The following DAB1 variants were observed in gnomAD, a reference collection of about 807,000 sequenced individuals.
DAB1 encodes DAB adaptor protein 1.
Under a neutral mutation model 64.6 loss-of-function variants are expected in DAB1, and 15 were observed. The ratio of observed to expected loss-of-function variants is 0.23; its 90% CI spans 0.16 to 0.36. The LOEUF (loss-of-function observed/expected upper bound fraction) is 0.36, where lower values mean the gene tolerates loss of function less well. Ranked by LOEUF, DAB1 falls within the 10% of genes least tolerant of loss-of-function variation. The pLI, the probability that DAB1 is intolerant of heterozygous loss-of-function variation, is 1.00. For synonymous variants in DAB1, 235 were observed against 251.9 expected (o/e 0.93, Z 0.64); for missense variants, 596 against 706.7 (o/e 0.84, Z 1.78).
intron 6 of DAB1, among the ~76,000 whole-genome samples, chr1:57,687,285 T>C (rs1370037390): frequency 5.9e-5 from 9 of 151,842 alleles, no homozygotes; most frequent in Non-Finnish European, 1.3e-4. Flanking sequence ...ACAATCCCAT[T>C]TACAATAGCC....
intron 2 of DAB1, among the ~76,000 whole-genome samples, chr1:57,259,334 G>T (rs1670001049): frequency 6.6e-6 from 1 of 152,182 alleles, no homozygotes; most frequent in Non-Finnish European, 1.5e-5. Flanking sequence ...ACAGTAAGGT[G>T]AGCCCTACAG....
chr1:57,353,103 A>AT (rs1272661072), intron 1 of DAB1, among the ~76,000 whole-genome samples: 1 of 123,222 alleles, frequency 8.1e-6, no homozygotes, highest in African/African-American at 3.3e-5. Context: ...ATATATATAT[A>AT]TTTTTTTCCA....
rs189134512 is a variant in DAB1, at chr1:57,990,015, C to T, written n.388-105853G>A. Reference sequence around the variant, plus strand: ...TGTCAGGACCTGAATCTGTCATTTGCGAGCCTGACCTCATAACTCAGCCAA... The same window carrying T: ...TGTCAGGACCTGAATCTGTCATTTGTGAGCCTGACCTCATAACTCAGCCAA... On this transcript the variant is annotated intron_variant and non_coding_transcript_variant, in intron 5 of 20. Transcript: ENST00000485760. Among the ~76,000 whole-genome samples, 24 of 152,140 alleles carry T rather than the reference C, an allele frequency of 1.6e-4. No homozygotes were observed. The East Asian group carries it at 3.9e-3, about 25-fold the overall frequency.
intron 5 of DAB1, among the ~76,000 whole-genome samples, chr1:57,985,209 G>A (rs1646185335): frequency 6.6e-6 from 1 of 152,084 alleles, no homozygotes. Flanking sequence ...CACCCGGCCT[G>A]CTTTAGTATC....
At chr1:57,390,486 T>C (rs1268912424) in intron 1 of DAB1, among the ~76,000 whole-genome samples, 2 of 152,228 alleles carry the variant, frequency 1.3e-5, no homozygotes, top group South Asian at 2.1e-4. Flanking sequence ...GAAAATCACC[T>C]GGAGCTCCTT....
intron 4 of DAB1, among the ~76,000 whole-genome samples, chr1:58,281,696 C>T (rs61781880): frequency 0.12 from 17,969 of 152,176 alleles, 1,846 homozygotes; most frequent in African/African-American, 0.28. Context: ...ACCCTAGACC[C>T]AAGCTACTTA....
chr1:58,095,673 T>A (rs1376370468), intron 5 of DAB1, among the ~76,000 whole-genome samples: 1 of 152,172 alleles, frequency 6.6e-6, no homozygotes, highest in Admixed American at 6.5e-5. Context: ...TTGTTAAGTA[T>A]CCCACCCCGG....
At chr1:57,370,320 AG>A (rs1351907941) in intron 1 of DAB1, among the ~76,000 whole-genome samples, 4 of 152,320 alleles carry the variant, frequency 2.6e-5, no homozygotes, top group Non-Finnish European at 5.9e-5. Context: ...CTTAGTGAAA[AG>A]ATAACTGAAT....
At position 57,190,266 on chromosome 1, in the gene DAB1, G is replaced by A. The variant is rs902659516; in HGVS notation, c.68-44837C>T. 2.0e-5 allele frequency among the ~76,000 whole-genome samples: 3 copies of A among 152,288 alleles called. No individual in the cohort carries two copies. The South Asian group carries it at 6.2e-4, about 32-fold the overall frequency. On this transcript the variant is annotated intron_variant, in intron 2 of 14. Coordinates refer to ENST00000371236, the MANE Select transcript of DAB1 (RefSeq NM_001365792.1). ...ACTTTGAGAGCACTGCCTTAGAAAA[G>A]AGAGTTCACAGGAAAGGCAAGTAGG...
chr1:57,556,238 T>C (rs1055885840), intron 7 of DAB1, among the ~76,000 whole-genome samples: 1 of 151,936 alleles, frequency 6.6e-6, no homozygotes, highest in African/African-American at 2.4e-5. Flanking sequence ...GCTGTAAACA[T>C]GTGTGTAGAA....
In DAB1 at chr1:57,132,758, C is replaced by T. The variant is rs530949459; in HGVS notation, c.306+3785G>A. On this transcript the variant is annotated intron_variant, in intron 4 of 14. Transcript: ENST00000371236. The stretch of plus-strand genomic sequence containing the variant: ...TTATACTGTCAACATTCTATCTATC[C>T]AAGACAAACTATGGACGAAGCAGCC... 2.0e-4 allele frequency among the ~76,000 whole-genome samples: 31 copies of T among 152,146 alleles called. No homozygotes were observed. In the East Asian group the frequency reaches 5.4e-3, roughly 27 times the overall value.
intron 5 of DAB1, among the ~76,000 whole-genome samples, chr1:58,087,593 T>C (rs1040235157): frequency 6.6e-6 from 1 of 152,050 alleles, no homozygotes; most frequent in African/African-American, 2.4e-5. Flanking sequence ...CCCCATCCCA[T>C]AGAAAACTGG....
intron 4 of DAB1, among the ~76,000 whole-genome samples, chr1:58,283,839 G>A (rs994943516): frequency 3.9e-5 from 6 of 152,218 alleles, no homozygotes; most frequent in South Asian, 2.1e-4. Flanking sequence ...CTTTGTCCTC[G>A]AAGGCAAAGA....
intron 5 of DAB1, among the ~76,000 whole-genome samples, chr1:57,945,955 C>T (rs1033918534): frequency 6.6e-6 from 1 of 152,166 alleles, no homozygotes; most frequent in Admixed American, 6.6e-5. Flanking sequence ...CCACATGCTG[C>T]CATGTACTGG....
In DAB1 at chr1:57,695,363, A is replaced by AAGGAAG. The variant is rs1557427764; in HGVS notation, n.552-45699_552-45698insCTTCCT. 9.0e-4 allele frequency among the ~76,000 whole-genome samples: 36 copies of AAGGAAG among 40,206 alleles called. 2 individuals carry two copies. Among genetic ancestry groups the AAGGAAG allele is most frequent in the African/African-American group, 5.5e-3 (32 of 5,768 alleles). The allele number at this position is 40,206 out of a possible 152,430, so 26.4% of individuals were successfully genotyped here. A position where few individuals can be genotyped will look rare whatever the true frequency, so the allele number is the denominator to read the frequency against. ...AAGAAAGAAAGAAAGAAAAGAAAGA[A>AAGGAAG]GAAAGAAAGAAAGAAAGAAAGAAAG... On this transcript the variant is annotated intron_variant and non_coding_transcript_variant, in intron 6 of 20. Transcript: ENST00000485760.
chr1:58,302,682 T>A (rs1047173779), intron 4 of DAB1, among the ~76,000 whole-genome samples: 1 of 152,062 alleles, frequency 6.6e-6, no homozygotes, highest in Non-Finnish European at 1.5e-5. Flanking sequence ...CACTTTCTCA[T>A]CTGTCAAGTG....
intron 4 of DAB1, among the ~76,000 whole-genome samples, chr1:58,286,457 C>T (rs12072207): frequency 0.13 from 19,474 of 151,988 alleles, 2,252 homozygotes; most frequent in African/African-American, 0.31. Context: ...ATCCAATGAA[C>T]GTAAATAAAT....
At chr1:57,573,167 A>T (rs1645212098) in intron 7 of DAB1, among the ~76,000 whole-genome samples, 1 of 152,146 alleles carries the variant, frequency 6.6e-6, no homozygotes, top group South Asian at 2.1e-4. Flanking sequence ...AGCTCACTGC[A>T]GCCTCCAACT....
At chr1:57,414,247 T>C (rs1684329853) in intron 1 of DAB1, among the ~76,000 whole-genome samples, 1 of 152,252 alleles carries the variant, frequency 6.6e-6, no homozygotes, top group Admixed American at 6.5e-5. Context: ...TCAATCAATG[T>C]GACAAACTTC....
Sources: allele counts gnomAD v4.1 joint callset (sites outside exome capture counted in the v4.1 genomes callset), GRCh38; gene constraint gnomAD v4.1.1; transcripts MANE v1.5; gene names NCBI Gene and HGNC (gene_info 2026-07-23, HGNC 2026-07-21).